The following ANKS3 variants were observed in gnomAD, a reference collection of about 807,000 sequenced individuals.
ANKS3 encodes the protein ankyrin repeat and sterile alpha motif domain containing 3.
ANKS3 carries 62 observed loss-of-function variants against 80.7 expected under a neutral mutation model. The ratio of observed to expected loss-of-function variants is 0.77; its 90% CI spans 0.63 to 0.95. The LOEUF (loss-of-function observed/expected upper bound fraction) is 0.95, where lower values mean the gene tolerates loss of function less well. Ranked by LOEUF, ANKS3 falls within the 40% of genes least tolerant of loss-of-function variation. ANKS3 has a pLI of 0.00. For synonymous variants in ANKS3, 489 were observed against 355.3 expected, an observed-to-expected ratio of 1.38 and a Z score of -4.23; for missense variants, 1,150 against 883.6, an observed-to-expected ratio of 1.30 and a Z score of -3.82.
At position 4,701,114 on chromosome 16, in the gene ANKS3, T is replaced by C. The variant is rs1382947757; in HGVS notation, c.1140A>G (p.Lys380=). The C allele has an allele frequency of 6.2e-7, 1 of 1,613,968 alleles. No individual in the cohort carries two copies. The highest frequency in any genetic ancestry group is 8.5e-7 in the Non-Finnish European group (1 of 1,180,024). The change falls in exon 11 of 18, where the codon AAA becomes AAG. Residue 380 remains lysine, a synonymous_variant. Coordinates refer to ENST00000304283, the MANE Select transcript of ANKS3 (RefSeq NM_133450.4). ...ESNEDSDHAC[K]SSARKQAKSY... is the part of the protein sequence containing the mutation. The stretch of plus-strand genomic sequence containing the variant: ...TTTTAGCTTGTTTGCGAGCTGAGCT[T>C]TTACAGGCATGATCCGAGTCCTGCA...
At chr16:4,723,126 G>A (rs1202621086) in intron 6 of ANKS3, among the ~76,000 whole-genome samples, 3 of 152,040 alleles carry the variant, frequency 2.0e-5, no homozygotes, top group Admixed American at 6.6e-5. Flanking sequence ...CATCAGGACC[G>A]CCTGCACTTC....
intron 7 of ANKS3, among the ~76,000 whole-genome samples, chr16:4,708,796 G>C (rs1424774033): frequency 2.6e-5 from 4 of 151,990 alleles, no homozygotes; most frequent in African/African-American, 9.7e-5. Context: ...AAATTAGCCA[G>C]GTGTGGTGGT....
At chr16:4,698,745 T>A in intron 13 of ANKS3, 55 bp downstream of exon 13, 1 of 1,556,830 alleles carries the variant, frequency 6.4e-7, no homozygotes. Flanking sequence ...CTGTCAGAGA[T>A]GGAGCCAACT....
chr16:4,733,933 C>G lies in ANKS3; in HGVS notation c.-71+5G>C, dbSNP rs2081808327. 2 of 985,556 alleles carry G rather than the reference C, an allele frequency of 2.0e-6. No individual in the cohort carries two copies. The highest frequency in any genetic ancestry group is 2.4e-6 in the Non-Finnish European group (2 of 830,016). The allele number at this position is 985,556 out of a possible 1,614,324, so 61.1% of individuals were successfully genotyped here. On this transcript the variant is annotated splice_donor_5th_base_variant and intron_variant, in intron 1 of 17. Coordinates refer to ENST00000304283, the MANE Select transcript of ANKS3 (RefSeq NM_133450.4). The stretch of plus-strand genomic sequence containing the variant: ...GGGTCCCTGGCCGACAAACCCGTAA[C>G]TCACAGCAGTGACGCTTCCCGACGC...
At chr16:4,708,894 G>A (rs765987886) in intron 7 of ANKS3, among the ~76,000 whole-genome samples, 13 of 151,234 alleles carry the variant, frequency 8.6e-5, no homozygotes, top group South Asian at 2.1e-4. Context: ...AGCCGAGATC[G>A]CGCCACTGCA....
At chr16:4,710,330 ATTACACAGTG>A (rs2080417901) in intron 7 of ANKS3, among the ~76,000 whole-genome samples, 1 of 152,248 alleles carries the variant, frequency 6.6e-6, no homozygotes. Context: ...TAATTTGATC[ATTACACAGTG>A]TATACATGTA....
At chr16:4,712,873 G>C (rs757133890) in intron 7 of ANKS3, among the ~76,000 whole-genome samples, 2 of 152,068 alleles carry the variant, frequency 1.3e-5, no homozygotes, top group Admixed American at 1.3e-4. Context: ...TGTATCCATC[G>C]ATACTTAAAG....
chr16:4,700,766 G>C, intron 11 of ANKS3: 1 of 790,088 alleles, frequency 1.3e-6, no homozygotes, highest in Non-Finnish European at 2.2e-6. Flanking sequence ...CCTTTCCGTG[G>C]AGAGGAACAG....
chr16:4,703,081 G>C (rs2080003025), intron 8 of ANKS3, among the ~76,000 whole-genome samples: 1 of 152,218 alleles, frequency 6.6e-6, no homozygotes, highest in African/African-American at 2.4e-5. Context: ...TTATGGAGAA[G>C]TTTTTCTAAT....
At chr16:4,700,465 T>G (rs1169104046) in intron 11 of ANKS3, 1 of 240,986 alleles carries the variant, frequency 4.1e-6, no homozygotes, top group Non-Finnish European at 8.3e-6. Context: ...GCCTCTCCTC[T>G]CCGTGCCTCT....
chr16:4,720,354 C>T (rs186640104), intron 6 of ANKS3, among the ~76,000 whole-genome samples: 1,557 of 150,374 alleles, frequency 0.01, 46 homozygotes, highest in Non-Finnish European at 0.015. Flanking sequence ...CCCAGCTACT[C>T]GGGAGGCTGA....
Position 4,734,095 on chromosome 16 carries a change from C to T in ANKS3, c.-228G>A. 4 of 930,842 alleles carry T rather than the reference C, an allele frequency of 4.3e-6. No homozygotes were observed. The highest frequency in any genetic ancestry group is 5.1e-6 in the Non-Finnish European group (4 of 780,236). The allele number at this position is 930,842 out of a possible 1,614,324, so 57.7% of individuals were successfully genotyped here. A position where few individuals can be genotyped will look rare whatever the true frequency, so the allele number is the denominator to read the frequency against. On this transcript the variant is annotated 5_prime_UTR_variant, in exon 1 of 18. Transcript: ENST00000304283. The stretch of plus-strand genomic sequence containing the variant: ...AAGTGCAGCGCGGGACGCCCGAGCG[C>T]CGGGTCTAGGCGGGCTGCAGGTGCC...
rs2081540461 is a variant in ANKS3 at position 4,730,045 on chromosome 16, G to A, written c.105C>T (p.Val35=). 1 of 1,588,584 alleles carries A rather than the reference G, an allele frequency of 6.3e-7. No individual in the cohort carries two copies. The highest frequency in any genetic ancestry group is 8.6e-7 in the Non-Finnish European group (1 of 1,164,664). The change falls in exon 3 of 18, where the codon GTC becomes GTT. Residue 35 remains valine (V), a synonymous_variant. Coordinates refer to ENST00000304283, the MANE Select transcript of ANKS3 (RefSeq NM_133450.4). ...GTQVSGEELD[V]PLDLHTAASI... is the part of the protein sequence containing the mutation. ...AAGCAGCTGTGTGAAGATCCAGGGG[G>A]ACATCCAGCTCCTCCCCGCTGACCT...
chr16:4,696,888 C>T lies in ANKS3; in HGVS notation c.*20G>A, dbSNP rs1398872341. On this transcript the variant is annotated 3_prime_UTR_variant, in exon 18 of 18. Transcript: ENST00000304283. Reference sequence around the variant, plus strand: ...GCTTCAGGGTGGACCAATCACCCAACGTCAGATTCTGAAAGAAAAAGCCCC... The same window carrying T: ...GCTTCAGGGTGGACCAATCACCCAATGTCAGATTCTGAAAGAAAAAGCCCC... The T allele has an allele frequency of 2.3e-5, 19 of 837,342 alleles. No individual in the cohort carries two copies. Among genetic ancestry groups the T allele is most frequent in the South Asian group, 4.8e-5 (3 of 62,662 alleles). 51.9% of individuals were successfully genotyped at this position (837,342 alleles called of 1,614,324 possible). A position where few individuals can be genotyped will look rare whatever the true frequency, so the allele number is the denominator to read the frequency against.
intron 5 of ANKS3, 100 bp downstream of exon 5, chr16:4,726,559 G>C: frequency 7.6e-7 from 1 of 1,317,508 alleles, no homozygotes; most frequent in Admixed American, 2.0e-5. Flanking sequence ...TGCCGAAGCA[G>C]GGTGGCCCTA....
intron 1 of ANKS3, among the ~76,000 whole-genome samples, chr16:4,733,179 G>C (rs1596473213): frequency 1.6e-5 from 2 of 122,500 alleles, no homozygotes; most frequent in African/African-American, 6.3e-5. Flanking sequence ...CTCCAGCCTG[G>C]GCGACAAAGC....
intron 3 of ANKS3, 89 bp downstream of exon 3, chr16:4,729,891 C>T (rs2081533828): frequency 3.1e-6 from 4 of 1,282,380 alleles, no homozygotes; most frequent in African/African-American, 1.5e-5. Flanking sequence ...ATTAAACATC[C>T]ACAACTGTGT....
At chr16:4,724,717 C>A (rs2081270113) in intron 6 of ANKS3, 33 bp downstream of exon 6, 4 of 1,591,130 alleles carry the variant, frequency 2.5e-6, no homozygotes, top group Non-Finnish European at 1.7e-6. Flanking sequence ...TTTGCCGTGA[C>A]TACATTACAT....
At position 4,696,685 on chromosome 16, in the gene ANKS3, T is replaced by G; in HGVS notation, c.*223A>C. 1 of 388,606 alleles carries G rather than the reference T, an allele frequency of 2.6e-6. No individual in the cohort carries two copies. Among genetic ancestry groups the G allele is most frequent in the Non-Finnish European group, 4.8e-6 (1 of 206,936 alleles). 24.1% of individuals were successfully genotyped at this position (388,606 alleles called of 1,614,324 possible). Reference sequence around the variant, plus strand: ...ATGAACTCTGGGCCTCACCACGAGGTTCTGGGTGAGGCCCTCGTCCCGCCT... The same window carrying G: ...ATGAACTCTGGGCCTCACCACGAGGGTCTGGGTGAGGCCCTCGTCCCGCCT... On this transcript the variant is annotated 3_prime_UTR_variant, in exon 18 of 18. Transcript: ENST00000304283.
Sources: gnomAD v4.1 joint callset for allele counts (sites outside exome capture counted in the v4.1 genomes callset) on GRCh38, gnomAD v4.1.1 for gene constraint, MANE v1.5 for transcripts, NCBI Gene and HGNC (gene_info 2026-07-23, HGNC 2026-07-21) for gene names.